The following RBFOX1 variants were observed in gnomAD, a reference collection of about 807,000 sequenced individuals.
The protein encoded by RBFOX1 is RNA binding fox-1 homolog 1.
Under a neutral mutation model 57.7 loss-of-function variants are expected in RBFOX1, and 8 were observed. That is an observed-to-expected ratio of 0.14 (90% CI 0.08 to 0.25). RBFOX1 has a LOEUF of 0.25. RBFOX1 is among the 10% of genes least tolerant of loss of function. RBFOX1 has a pLI of 1.00. For synonymous variants in RBFOX1, 326 were observed against 222.4 expected (o/e 1.47, Z -4.15); for missense variants, 611 against 548.5 (o/e 1.11, Z -1.14).
At chr16:7,031,961 C>A (rs7191322) in intron 3 of RBFOX1, among the ~76,000 whole-genome samples, 1 of 152,110 alleles carries the variant, frequency 6.6e-6, no homozygotes, top group Non-Finnish European at 1.5e-5. Context: ...TGGACTTCCT[C>A]GTTATTTGAA....
chr16:6,141,991 G>A (rs951613575), intron 1 of RBFOX1, among the ~76,000 whole-genome samples: 7 of 151,490 alleles, frequency 4.6e-5, no homozygotes, highest in Admixed American at 4.6e-4. Context: ...CCTGGGAGGT[G>A]GAGGTTGCAG....
intron 3 of RBFOX1, among the ~76,000 whole-genome samples, chr16:6,765,308 C>G (rs1380414011): frequency 4.6e-5 from 7 of 152,142 alleles, no homozygotes; most frequent in Non-Finnish European, 1.0e-4. Context: ...TTACTTTGTA[C>G]TCAACAAAAT....
At chr16:6,581,858 G>T (rs557678861) in intron 2 of RBFOX1, among the ~76,000 whole-genome samples, 26 of 152,328 alleles carry the variant, frequency 1.7e-4, no homozygotes, top group Non-Finnish European at 2.6e-4. Context: ...GAGATTACAT[G>T]TCCAACACAA....
chr16:7,237,402 C>T (rs1487665308), intron 4 of RBFOX1, among the ~76,000 whole-genome samples: 1 of 152,190 alleles, frequency 6.6e-6, no homozygotes, highest in Non-Finnish European at 1.5e-5. Flanking sequence ...ATAATTTGAA[C>T]TGATCCTTCT....
intron 14 of RBFOX1, among the ~76,000 whole-genome samples, chr16:7,698,298 T>C (rs1419413902): frequency 2.0e-5 from 3 of 151,948 alleles, no homozygotes; most frequent in Admixed American, 6.6e-5. Flanking sequence ...ATGCATTCCC[T>C]TAGCAAATCT....
chr16:5,270,001 A>C (rs1045010519), intron 1 of RBFOX1, among the ~76,000 whole-genome samples: 4 of 152,170 alleles, frequency 2.6e-5, no homozygotes, highest in African/African-American at 9.7e-5. Flanking sequence ...CAAAAAAGAA[A>C]AAATAAATAG....
intron 3 of RBFOX1, among the ~76,000 whole-genome samples, chr16:6,983,087 A>T (rs1295337773): frequency 6.7e-6 from 1 of 149,388 alleles, no homozygotes; most frequent in Non-Finnish European, 1.5e-5. Context: ...GGGAGTGGCC[A>T]TGCTGAGACA....
intron 4 of RBFOX1, among the ~76,000 whole-genome samples, chr16:7,053,635 T>C (rs949060945): frequency 1.3e-5 from 2 of 152,204 alleles, no homozygotes; most frequent in African/African-American, 4.8e-5. Flanking sequence ...ATGAAGGACC[T>C]GTTTGCATTT....
At chr16:7,494,230 C>T (rs2067849981) in intron 4 of RBFOX1, among the ~76,000 whole-genome samples, 1 of 152,138 alleles carries the variant, frequency 6.6e-6, no homozygotes, top group African/African-American at 2.4e-5. Flanking sequence ...ATGAGATTGG[C>T]CTTGCTGAAG....
intron 3 of RBFOX1, among the ~76,000 whole-genome samples, chr16:5,812,276 T>G (rs1449485096): frequency 1.3e-5 from 2 of 152,182 alleles, no homozygotes. Flanking sequence ...TTTGGACATG[T>G]GCTTTTCTTT....
At chr16:7,634,865 G>T (rs551856953) in intron 11 of RBFOX1, among the ~76,000 whole-genome samples, 4 of 152,286 alleles carry the variant, frequency 2.6e-5, no homozygotes, top group African/African-American at 7.2e-5. Flanking sequence ...AATGAAGAAA[G>T]AACAAAACTC....
intron 3 of RBFOX1, among the ~76,000 whole-genome samples, chr16:6,703,281 A>C (rs8055409): frequency 0.094 from 14,107 of 149,470 alleles, 1,008 homozygotes; most frequent in African/African-American, 0.2. Flanking sequence ...TTCATTTCAT[A>C]GATAAGAAAG....
intron 1 of RBFOX1, among the ~76,000 whole-genome samples, chr16:5,449,679 G>C (rs1000210196): frequency 6.6e-6 from 1 of 152,192 alleles, no homozygotes; most frequent in South Asian, 2.1e-4. Context: ...CACAATCACA[G>C]CTCACTGCAA....
At chr16:7,016,525 C>G (rs1277428499) in intron 3 of RBFOX1, among the ~76,000 whole-genome samples, 1 of 152,166 alleles carries the variant, frequency 6.6e-6, no homozygotes, top group Non-Finnish European at 1.5e-5. Flanking sequence ...TTCAGCACAC[C>G]TATGTGCCAA....
intron 4 of RBFOX1, among the ~76,000 whole-genome samples, chr16:7,487,990 G>A (rs1255190463): frequency 1.3e-5 from 2 of 152,028 alleles, no homozygotes; most frequent in Admixed American, 6.5e-5. Context: ...ATTAACTCTG[G>A]AGCGTAGATT....
Position 7,006,943 on chromosome 16 carries a change from G to A in RBFOX1, c.-15-45114G>A, listed in dbSNP as rs969775078. Among the ~76,000 whole-genome samples, 51 of 152,072 alleles carry A rather than the reference G, an allele frequency of 3.4e-4. 1 individual carries two copies. The highest frequency in any genetic ancestry group is 3.4e-3 in the Middle Eastern group (1 of 294). On this transcript the variant is annotated intron_variant, in intron 3 of 15. Coordinates refer to ENST00000550418, the MANE Select transcript of RBFOX1 (RefSeq NM_018723.4). ...ACCGTCTTGTCTCTTCCATGTTTTC[G>A]TAGTCTTAGTTTTCTACCACTGCCA... is the stretch of plus-strand genomic sequence containing the variant.
intron 1 of RBFOX1, among the ~76,000 whole-genome samples, chr16:6,223,540 T>A (rs1010622120): frequency 3.3e-5 from 5 of 152,154 alleles, no homozygotes; most frequent in East Asian, 1.9e-4. Context: ...CCAGTTTTTG[T>A]TGGGGTTGTT....
At chr16:5,284,727 C>T (rs1421119114) in intron 1 of RBFOX1, among the ~76,000 whole-genome samples, 1 of 116,866 alleles carries the variant, frequency 8.6e-6, no homozygotes, top group African/African-American at 3.2e-5. Flanking sequence ...TGAAGGACAG[C>T]TTTGCTGGGT....
chr16:6,872,425 C>G (rs886238906), intron 3 of RBFOX1, among the ~76,000 whole-genome samples: 4 of 152,066 alleles, frequency 2.6e-5, no homozygotes, highest in Non-Finnish European at 4.4e-5. Context: ...CCTTTTAACA[C>G]TTTAAGAACT....
Sources: gnomAD v4.1 joint callset for allele counts (sites outside exome capture counted in the v4.1 genomes callset) on GRCh38, gnomAD v4.1.1 for gene constraint, MANE v1.5 for transcripts, NCBI Gene and HGNC (gene_info 2026-07-23, HGNC 2026-07-21) for gene names.